The following SRGAP3 variants were observed in gnomAD, a reference collection of about 807,000 sequenced individuals.
SRGAP3 encodes the protein SLIT-ROBO Rho GTPase activating protein 3.
A neutral mutation model predicts 121.1 loss-of-function variants in SRGAP3; 39 were observed. The observed-to-expected ratio is 0.32, with a 90% CI of 0.25 to 0.42. The LOEUF is 0.42. Among genes scored for constraint, SRGAP3 ranks in the 10% least tolerant of loss-of-function variants. The pLI, the probability that SRGAP3 is intolerant of heterozygous loss-of-function variation, is 1.00. For missense variants in SRGAP3, 1,213 were observed against 1,470.6 expected (o/e 0.82, Z 2.86); for synonymous variants, 601 against 570.0 (o/e 1.05, Z -0.77).
chr3:9,334,734 C>G (rs1955663319), intron 1 of SRGAP3, among the ~76,000 whole-genome samples: 1 of 152,088 alleles, frequency 6.6e-6, no homozygotes, highest in African/African-American at 2.4e-5. Flanking sequence ...CAGTCAACTA[C>G]CCAAATGGAA....
chr3:9,288,406 G>A (rs1301059746), intron 3 of SRGAP3, among the ~76,000 whole-genome samples: 2 of 151,494 alleles, frequency 1.3e-5, no homozygotes, highest in Non-Finnish European at 2.9e-5. Context: ...CAAAGTGCTG[G>A]GATTGCAGGC....
chr3:9,144,324 A>C (rs1327260223), intron 1 of SRGAP3, among the ~76,000 whole-genome samples: 2 of 152,168 alleles, frequency 1.3e-5, no homozygotes, highest in African/African-American at 4.8e-5. Flanking sequence ...CCTATCTTTC[A>C]GTCCCCTAGC....
chr3:9,293,975 T>C (rs1278093325), intron 3 of SRGAP3, among the ~76,000 whole-genome samples: 3 of 152,164 alleles, frequency 2.0e-5, no homozygotes, highest in East Asian at 1.9e-4. Flanking sequence ...AACAATCCCA[T>C]TACCGGTTAT....
intron 18 of SRGAP3, among the ~76,000 whole-genome samples, chr3:8,999,719 C>A (rs1304116362): frequency 2.6e-5 from 4 of 152,162 alleles, no homozygotes; most frequent in Non-Finnish European, 4.4e-5. Flanking sequence ...TCCCTCTTTT[C>A]TCCCCTTCTC....
chr3:9,321,296 T>C (rs925478534), intron 3 of SRGAP3, among the ~76,000 whole-genome samples: 2 of 151,940 alleles, frequency 1.3e-5, no homozygotes, highest in African/African-American at 4.8e-5. Flanking sequence ...ATGGCCATTC[T>C]GCTCTGCTGT....
intron 1 of SRGAP3, among the ~76,000 whole-genome samples, chr3:9,356,595 G>A (rs890555945): frequency 2.0e-5 from 3 of 151,598 alleles, no homozygotes; most frequent in South Asian, 2.1e-4. Context: ...GGATGGTCTC[G>A]ATCTCCTGAC....
At chr3:9,013,191 A>G in intron 17 of SRGAP3, 117 bp downstream of exon 17, 1 of 1,000,954 alleles carries the variant, frequency 1.0e-6, no homozygotes, top group East Asian at 2.6e-5. Flanking sequence ...AGATGAGAAA[A>G]TGTATATGGA....
intron 3 of SRGAP3, among the ~76,000 whole-genome samples, chr3:9,321,018 T>C (rs1296009971): frequency 2.0e-5 from 3 of 151,872 alleles, no homozygotes; most frequent in East Asian, 1.9e-4. Flanking sequence ...TTCTAAAAAA[T>C]AGAACGTGGT....
chr3:9,204,722 T>C (rs183644770), intron 1 of SRGAP3, among the ~76,000 whole-genome samples: 40 of 152,192 alleles, frequency 2.6e-4, no homozygotes, highest in African/African-American at 9.6e-4. Flanking sequence ...CAATTAGCGA[T>C]ACACAGAAGG....
intron 1 of SRGAP3, among the ~76,000 whole-genome samples, chr3:9,172,211 G>A (rs541412343): frequency 7.3e-5 from 11 of 150,144 alleles, no homozygotes; most frequent in South Asian, 2.1e-4. Context: ...CTCCCACTTC[G>A]GCCTCCTGAG....
At chr3:9,310,635 A>C (rs11707847) in intron 3 of SRGAP3, among the ~76,000 whole-genome samples, 1 of 151,984 alleles carries the variant, frequency 6.6e-6, no homozygotes, top group Non-Finnish European at 1.5e-5. Flanking sequence ...TAACCAGTTG[A>C]TACCTCAAGA....
chr3:9,056,212 A>G, intron 8 of SRGAP3, 21 bp downstream of exon 8: 2 of 1,612,484 alleles, frequency 1.2e-6, no homozygotes, highest in South Asian at 2.2e-5. Context: ...AATCCCTTAT[A>G]GGGCAGAGGG....
intron 1 of SRGAP3, among the ~76,000 whole-genome samples, chr3:9,139,042 C>A (rs1340186654): frequency 6.6e-6 from 1 of 152,178 alleles, no homozygotes; most frequent in Admixed American, 6.5e-5. Context: ...ACCCACACCC[C>A]AAAGCTGTAC....
chr3:9,321,824 G>A lies in SRGAP3; in HGVS notation n.442+4186C>T, dbSNP rs555662137. On this transcript the variant is annotated intron_variant and non_coding_transcript_variant, in intron 3 of 3. Transcript: ENST00000490889. ...CACTGGGGCCTATCAGAGGGTGGAG[G>A]GTGAGAGGAGGGAGAGGATCAGAAA... is the stretch of plus-strand genomic sequence containing the variant. Among the ~76,000 whole-genome samples, 14 of 151,622 alleles carry A rather than the reference G, an allele frequency of 9.2e-5. No homozygotes were observed. In the South Asian group the frequency reaches 2.7e-3, roughly 29 times the overall value.
intron 1 of SRGAP3, among the ~76,000 whole-genome samples, chr3:9,243,819 G>A (rs539246413): frequency 6.6e-6 from 1 of 152,282 alleles, no homozygotes; most frequent in South Asian, 2.1e-4. Flanking sequence ...TGGCCCAACA[G>A]GCTAAAACTG....
chr3:9,092,389 A>G (rs1028227693), intron 3 of SRGAP3, among the ~76,000 whole-genome samples: 4 of 151,916 alleles, frequency 2.6e-5, no homozygotes, highest in Admixed American at 1.3e-4. Context: ...CATTGTGGAT[A>G]ATAACAATAA....
chr3:8,992,567 A>G (rs1324485839), intron 20 of SRGAP3: 1 of 444,632 alleles, frequency 2.2e-6, no homozygotes, highest in African/African-American at 1.9e-5. Context: ...TCAGTTCTAC[A>G]ACAGAAAGCT....
At chr3:9,018,878 T>C (rs966716958) in intron 14 of SRGAP3, among the ~76,000 whole-genome samples, 2 of 152,200 alleles carry the variant, frequency 1.3e-5, no homozygotes, top group African/African-American at 4.8e-5. Flanking sequence ...ACCATTTTCA[T>C]TCGTTTCTGG....
intron 3 of SRGAP3, among the ~76,000 whole-genome samples, chr3:9,087,422 C>T (rs1947551298): frequency 6.6e-6 from 1 of 152,022 alleles, no homozygotes; most frequent in Non-Finnish European, 1.5e-5. Context: ...CCTTAAGAAT[C>T]TCCCAGTTTG....
Sources: gnomAD v4.1 joint callset for allele counts (sites outside exome capture counted in the v4.1 genomes callset) on GRCh38, gnomAD v4.1.1 for gene constraint, MANE v1.5 for transcripts, NCBI Gene and HGNC (gene_info 2026-07-23, HGNC 2026-07-21) for gene names.